The following SDK1 variants were observed in gnomAD, a reference collection of about 807,000 sequenced individuals.
SDK1 encodes the protein sidekick cell adhesion molecule 1.
A neutral mutation model predicts 245.5 loss-of-function variants in SDK1; 157 were observed. The observed-to-expected ratio is 0.64, with a 90% CI of 0.56 to 0.73. The LOEUF is 0.73. SDK1 is among the 30% of genes least tolerant of loss of function. SDK1 has a pLI of 0.00. For synonymous variants in SDK1, 1,647 were observed against 1,278.5 expected, an observed-to-expected ratio of 1.29 and a Z score of -6.15; for missense variants, 3,583 against 3,002.3, an observed-to-expected ratio of 1.19 and a Z score of -4.52.
chr7:4,006,122 C>G (rs1430182489), intron 14 of SDK1, among the ~76,000 whole-genome samples: 1 of 152,182 alleles, frequency 6.6e-6, no homozygotes, highest in Non-Finnish European at 1.5e-5. Context: ...CCTTCAGACA[C>G]CTTTAATTGA....
intron 1 of SDK1, among the ~76,000 whole-genome samples, chr7:3,604,662 G>T (rs1447495547): frequency 7.6e-5 from 11 of 144,302 alleles, no homozygotes; most frequent in African/African-American, 2.6e-4. Context: ...GAGTGCAATG[G>T]TGTGATCTTG....
chr7:4,067,131 A>C (rs1294076836), intron 19 of SDK1, among the ~76,000 whole-genome samples: 1 of 152,186 alleles, frequency 6.6e-6, no homozygotes, highest in African/African-American at 2.4e-5. Flanking sequence ...CCTGCTTCAC[A>C]CATTAACAGA....
chr7:3,803,671 A>G (rs1305419908), intron 4 of SDK1, among the ~76,000 whole-genome samples: 1 of 148,052 alleles, frequency 6.8e-6, no homozygotes, highest in Admixed American at 6.7e-5. Flanking sequence ...TTCTTTATAT[A>G]TTCTAGATAT....
intron 3 of SDK1, 136 bp from the exon 4 acceptor site, chr7:3,641,822 G>T (rs551074944): frequency 5.6e-6 from 4 of 715,910 alleles, no homozygotes; most frequent in Admixed American, 2.9e-5. Flanking sequence ...GCGCTGCCGT[G>T]CAGTCTCGCT....
At chr7:3,872,964 A>C (rs1780993112) in intron 5 of SDK1, among the ~76,000 whole-genome samples, 1 of 152,092 alleles carries the variant, frequency 6.6e-6, no homozygotes. Context: ...TACAGCTTTA[A>C]CCAGTCAGTA....
rs111871128 is a variant in SDK1 at position 4,220,233 on chromosome 7, C to T, written c.5664C>T (p.Pro1888=). Residue 1888 remains proline, a synonymous_variant, in exon 39 of 45, where the codon CCC becomes CCT. Transcript: ENST00000404826. ...AAGCGCGGACCATCACCTACGGGCC[C>T]GAGCTCCAAGCCAATATCACAGCCG... ...RVQARTITYG[P]ELQANITAGP... 2.2e-5 allele frequency: 35 copies of T among 1,613,674 alleles called. No homozygotes were observed. In the East Asian group the frequency reaches 3.6e-4, roughly 16 times the overall value.
rs573384076 is a variant in SDK1, at chr7:4,267,632, T to C, written c.*2248T>C. On this transcript the variant is annotated 3_prime_UTR_variant, in exon 45 of 45. Coordinates refer to ENST00000404826, the MANE Select transcript of SDK1 (RefSeq NM_152744.4). ...TGACTGCTCTCTGCAGCCATGAGGA[T>C]GTGGCTTTACATGCCAGGGAGAGTG... The C allele has an allele frequency of 2.0e-6, 2 of 985,498 alleles. No individual in the cohort carries two copies. The highest frequency in any genetic ancestry group is 2.4e-6 in the Non-Finnish European group (2 of 829,940). The allele number at this position is 985,498 out of a possible 1,614,324, so 61.0% of individuals were successfully genotyped here.
rs140446821 is a variant in SDK1 at position 3,969,337 on chromosome 7, G to A, written c.1627G>A (p.Val543Ile). The change falls in exon 11 of 45, where the codon GTC becomes ATC. Residue 543 changes from valine (V) to isoleucine (I), a missense_variant. By Grantham distance (29) the Val-to-Ile change is conservative (BLOSUM62 3). Coordinates refer to ENST00000404826, the MANE Select transcript of SDK1 (RefSeq NM_152744.4). ...ATCGGGGGGTCTACAGATCGCGCCC[G>A]TCTTCATCCAGGATGCCGGCAACTA... ...LESGGLQIAP[V>I]FIQDAGNYTC... The A allele has an allele frequency of 1.5e-4, 247 of 1,611,100 alleles. 2 individuals carry two copies. The African/African-American group carries it at 2.6e-3, about 17-fold the overall frequency.
intron 5 of SDK1, among the ~76,000 whole-genome samples, chr7:3,872,015 T>G (rs1368204660): frequency 6.6e-6 from 1 of 152,210 alleles, no homozygotes; most frequent in African/African-American, 2.4e-5. Flanking sequence ...TGTTATGAAC[T>G]TTCTCAAATC....
chr7:3,568,529 C>T (rs1780000001), intron 1 of SDK1, among the ~76,000 whole-genome samples: 1 of 152,044 alleles, frequency 6.6e-6, no homozygotes. Flanking sequence ...AATTGAATTC[C>T]CTCCTTCCCC....
At chr7:3,907,610 C>T (rs1778998162) in intron 5 of SDK1, among the ~76,000 whole-genome samples, 1 of 152,186 alleles carries the variant, frequency 6.6e-6, no homozygotes, top group African/African-American at 2.4e-5. Context: ...TCTCTATGTT[C>T]AGTTCCCTGG....
intron 19 of SDK1, among the ~76,000 whole-genome samples, chr7:4,053,560 G>A (rs1287337058): frequency 2.6e-5 from 4 of 152,056 alleles, no homozygotes; most frequent in Non-Finnish European, 5.9e-5. Context: ...TGCCCCTGGA[G>A]CTGCCGGGAT....
chr7:3,414,031 G>T (rs947033232), intron 1 of SDK1, among the ~76,000 whole-genome samples: 2 of 152,280 alleles, frequency 1.3e-5, no homozygotes, highest in East Asian at 3.9e-4. Flanking sequence ...GGGGGCAAGG[G>T]ATTAAGTGGA....
chr7:3,821,388 G>T (rs903283797), intron 4 of SDK1, 62 bp from the exon 5 acceptor site: 2 of 1,549,682 alleles, frequency 1.3e-6, no homozygotes, highest in Admixed American at 4.0e-5. Context: ...AATTAATTTT[G>T]TCTTACAAGT....
chr7:3,676,703 TAGAA>T (rs1783915190), intron 4 of SDK1, among the ~76,000 whole-genome samples: 1 of 152,218 alleles, frequency 6.6e-6, no homozygotes, highest in African/African-American at 2.4e-5. Flanking sequence ...TATATGATGA[TAGAA>T]AGGAGTTCAA....
At chr7:4,253,453 GTTA>G (rs1181826466) in intron 44 of SDK1, among the ~76,000 whole-genome samples, 4 of 151,976 alleles carry the variant, frequency 2.6e-5, no homozygotes, top group Non-Finnish European at 5.9e-5. Context: ...ATTTTCTTCT[GTTA>G]TTTATTTCTA....
chr7:3,334,132 C>G, intron 1 of SDK1, among the ~76,000 whole-genome samples: 1 of 152,154 alleles, frequency 6.6e-6, no homozygotes, highest in Middle Eastern at 3.2e-3. Flanking sequence ...AGAGCAGAAC[C>G]CCAATGTGGT....
chr7:3,970,378 C>G (rs1782392295), intron 11 of SDK1, among the ~76,000 whole-genome samples: 1 of 152,170 alleles, frequency 6.6e-6, no homozygotes. Flanking sequence ...GAAATTAATC[C>G]AAGTTCCCAC....
intron 19 of SDK1, among the ~76,000 whole-genome samples, chr7:4,059,683 A>G (rs12667169): frequency 0.016 from 2,383 of 152,324 alleles, 129 homozygotes; most frequent in East Asian, 0.14. Flanking sequence ...GACAGACCCT[A>G]TGTTAGGACA....
Sources: gnomAD v4.1 joint callset for allele counts (sites outside exome capture counted in the v4.1 genomes callset) on GRCh38, gnomAD v4.1.1 for gene constraint, MANE v1.5 for transcripts, NCBI Gene and HGNC (gene_info 2026-07-23, HGNC 2026-07-21) for gene names.